The following FSIP2 variants were observed in gnomAD, a reference collection of about 807,000 sequenced individuals.
FSIP2 encodes fibrous sheath interacting protein 2.
FSIP2 carries 367 observed loss-of-function variants against 510.5 expected under a neutral mutation model. The ratio of observed to expected loss-of-function variants is 0.72; its 90% confidence interval spans 0.66 to 0.78. The LOEUF (loss-of-function observed/expected upper bound fraction) is 0.78. FSIP2 is among the 30% of genes least tolerant of loss of function. FSIP2 has a pLI of 0.00. For missense variants in FSIP2, 7,594 were observed against 7,901.7 expected, an observed-to-expected ratio of 0.96 and a Z score of 1.48; for synonymous variants, 2,601 against 2,732.2, an observed-to-expected ratio of 0.95 and a Z score of 1.50.
chr2:185,754,130 T>C (rs1453698848), intron 8 of FSIP2, among the ~76,000 whole-genome samples: 1 of 151,376 alleles, frequency 6.6e-6, no homozygotes, highest in Admixed American at 6.6e-5. Flanking sequence ...CAAACTTGTA[T>C]CTAGGATAAC....
intron 17 of FSIP2, 48 bp from the exon 18 acceptor site, chr2:185,813,497 A>G: frequency 3.2e-6 from 4 of 1,232,912 alleles, no homozygotes; most frequent in Non-Finnish European, 4.4e-6. Context: ...ACTATAGGAA[A>G]GTGATTTAGG....
rs1357860251 is a variant in FSIP2, at chr2:185,763,223, G to A, written c.1281G>A (p.Ala427=). ...NISGQGSIIS[A]QVSPTRNFSR... ...CAGGCCAAGGTTCAATTATTTCAGC[G>A]CAGGTATCACCCACGAGAAATTTTT... is the stretch of plus-strand genomic sequence containing the variant. The change falls in exon 12 of 23, where the codon GCG becomes GCA. Residue 427 remains alanine (A), a synonymous_variant. Transcript: ENST00000424728. 26 of 1,516,900 alleles carry A rather than the reference G, an allele frequency of 1.7e-5. No homozygotes were observed. Among genetic ancestry groups the A allele is most frequent in the Non-Finnish European group, 2.1e-5 (24 of 1,130,348 alleles). 94.0% of individuals were successfully genotyped at this position (1,516,900 alleles called of 1,614,324 possible). A position where few individuals can be genotyped will look rare whatever the true frequency, so the allele number is the denominator to read the frequency against.
At chr2:185,828,233 AT>A in intron 21 of FSIP2, 34 bp downstream of exon 21, 2 of 1,191,114 alleles carry the variant, frequency 1.7e-6, no homozygotes, top group Non-Finnish European at 2.5e-6. Context: ...GTTGATATAT[AT>A]TAGGAGCTAG....
Position 185,805,507 on chromosome 2 carries a change from G to C in FSIP2, c.16201G>C (p.Asp5401His). Residue 5401 changes from aspartate (D) to histidine (H), a missense_variant, in exon 17 of 23, where the codon GAC becomes CAC. Transcript: ENST00000424728. ...CAGGATTCAACCACTTTTTTCAGGA[G>C]ACTGGTCTTCCACCTTCTTTTCATT... ...AFRIQPLFSG[D>H]WSSTFFSFLN... is the part of the protein sequence containing the mutation. The C allele has an allele frequency of 6.2e-7, 1 of 1,611,502 alleles. No individual in the cohort carries two copies. Among genetic ancestry groups the C allele is most frequent in the Non-Finnish European group, 8.5e-7 (1 of 1,178,368 alleles).
rs1458555118 is a variant in FSIP2, at chr2:185,801,847, A to G, written c.12541A>G (p.Ile4181Val). The change falls in exon 17 of 23, where the codon ATA (isoleucine) becomes GTA (valine). Residue 4181 changes from isoleucine to valine, a missense_variant. By Grantham distance (29) the Ile-to-Val change is conservative. Transcript: ENST00000424728. ...TGATTTTAATGAAATGTCCACTTGT[A>G]TAATAAATAAGGTTATGTCAGCCAT... ...SSDFNEMSTC[I>V]INKVMSAISK... 3 of 1,485,004 alleles carry G rather than the reference A, an allele frequency of 2.0e-6. 1 individual carries two copies. The South Asian group carries it at 3.9e-5, about 19-fold the overall frequency. The allele number at this position is 1,485,004 out of a possible 1,614,324, so 92.0% of individuals were successfully genotyped here. A position where few individuals can be genotyped will look rare whatever the true frequency, so the allele number is the denominator to read the frequency against.
Position 185,804,928 on chromosome 2 carries a change from G to A in FSIP2, c.15622G>A (p.Val5208Ile). Residue 5208 changes from valine to isoleucine, a missense_variant, in exon 17 of 23, where the codon GTA becomes ATA. Val to Ile is a conservative substitution (Grantham distance 29). Transcript: ENST00000424728. ...ILKTSEFQAEVQKDADKKGCS... is the reference protein window; with the variant it reads ...ILKTSEFQAEIQKDADKKGCS... The stretch of plus-strand genomic sequence containing the variant: ...GAAAACATCTGAATTCCAAGCTGAA[G>A]TACAAAAAGATGCAGACAAAAAAGG... The A allele has an allele frequency of 6.6e-7, 1 of 1,526,440 alleles. No homozygotes were observed. Among genetic ancestry groups the A allele is most frequent in the Non-Finnish European group, 8.7e-7 (1 of 1,143,420 alleles). The allele number at this position is 1,526,440 out of a possible 1,614,324, so 94.6% of individuals were successfully genotyped here.
At chr2:185,758,442 GTATGT>G (rs1367632941) in intron 9 of FSIP2, among the ~76,000 whole-genome samples, 1 of 151,194 alleles carries the variant, frequency 6.6e-6, no homozygotes, top group Admixed American at 6.6e-5. Flanking sequence ...CACATATTAT[GTATGT>G]TATATGTATT....
chr2:185,746,276 T>C (rs1248024013), intron 5 of FSIP2, among the ~76,000 whole-genome samples: 6 of 130,632 alleles, frequency 4.6e-5, no homozygotes, highest in Non-Finnish European at 6.6e-5. Flanking sequence ...TCTTAGAGAA[T>C]TCAAATGGAC....
chr2:185,800,976 A>G lies in FSIP2; in HGVS notation c.11670A>G (p.Ser3890=), dbSNP rs574275804. Residue 3890 remains serine, a synonymous_variant, in exon 17 of 23, where the codon TCA becomes TCG. Transcript: ENST00000424728. ...IQSSFIKARK[S]ELIELGQSKS... is the part of the protein sequence containing the mutation. The stretch of plus-strand genomic sequence containing the variant: ...CTAGTTTCATAAAAGCAAGAAAGTC[A>G]GAATTAATAGAATTAGGACAGAGTA... 6.5e-7 allele frequency: 1 copy of G among 1,528,622 alleles called. No individual in the cohort carries two copies. The highest frequency in any genetic ancestry group is 1.4e-5 in the African/African-American group (1 of 72,670). The allele number at this position is 1,528,622 out of a possible 1,614,324, so 94.7% of individuals were successfully genotyped here.
chr2:185,794,994 C>A lies in FSIP2; in HGVS notation c.7858C>A (p.Leu2620Ile). ...SQNISVMENTLLPYLPLQVKK... is the reference protein window; with the variant it reads ...SQNISVMENTILPYLPLQVKK... ...AAATATCTCTGTGATGGAAAACACT[C>A]TTTTGCCATATTTACCATTGCAAGT... The change falls in exon 16 of 23, where the codon CTT (leucine) becomes ATT (isoleucine). Residue 2620 changes from leucine (L) to isoleucine (I), a missense_variant. By Grantham distance (5) the Leu-to-Ile change is conservative. Transcript: ENST00000424728. The A allele has an allele frequency of 1.3e-6, 2 of 1,533,828 alleles. No homozygotes were observed. The highest frequency in any genetic ancestry group is 1.7e-6 in the Non-Finnish European group (2 of 1,145,606).
chr2:185,775,409 G>A (rs1364751988), intron 13 of FSIP2, among the ~76,000 whole-genome samples: 39 of 151,242 alleles, frequency 2.6e-4, no homozygotes, highest in African/African-American at 8.0e-4. Context: ...CATATCCTTC[G>A]CCCACTTTTT....
rs1208999116 is a variant in FSIP2, at chr2:185,800,811, A to G, written c.11505A>G (p.Thr3835=). 1.3e-5 allele frequency: 20 copies of G among 1,534,426 alleles called. No individual in the cohort carries two copies. In the East Asian group the frequency reaches 4.2e-4, roughly 32 times the overall value. Residue 3835 remains threonine, a synonymous_variant, in exon 17 of 23, where the codon ACA becomes ACG. Transcript: ENST00000424728. ...CAGAAATTGATCAAGACTTATTGACATCAGACTCTATGCTTACTATTATTT... is the reference window on the plus strand; with the variant it reads ...CAGAAATTGATCAAGACTTATTGACGTCAGACTCTATGCTTACTATTATTT... The part of the protein sequence containing the change: ...NVAEIDQDLL[T]SDSMLTIISH...
rs73980269 is a variant in FSIP2 at position 185,759,787 on chromosome 2, C to T, written c.1079-1201C>T. Among the ~76,000 whole-genome samples the T allele has an allele frequency of 1.3e-3, 200 of 150,146 alleles. 1 individual carries two copies. The highest frequency in any genetic ancestry group is 4.6e-3 in the African/African-American group (188 of 41,244). On this transcript the variant is annotated intron_variant, in intron 9 of 22. Coordinates refer to ENST00000424728, the MANE Select transcript of FSIP2 (RefSeq NM_173651.4). ...TTTTGTATAAAAGTGATTCTGATGTCAGTGTATGAGATAGAAAATGTTCAC... is the reference window on the plus strand; with the variant it reads ...TTTTGTATAAAAGTGATTCTGATGTTAGTGTATGAGATAGAAAATGTTCAC...
Position 185,802,526 on chromosome 2 carries a change from A to G in FSIP2, c.13220A>G (p.Asn4407Ser). 2.0e-6 allele frequency: 3 copies of G among 1,531,682 alleles called. No individual in the cohort carries two copies. Among genetic ancestry groups the G allele is most frequent in the Non-Finnish European group, 2.6e-6 (3 of 1,144,656 alleles). 94.9% of individuals were successfully genotyped at this position (1,531,682 alleles called of 1,614,324 possible). Residue 4407 changes from asparagine to serine, a missense_variant, in exon 17 of 23, where the codon AAT becomes AGT. Coordinates refer to ENST00000424728, the MANE Select transcript of FSIP2 (RefSeq NM_173651.4). ...DSGIFVENIT[N>S]LIVAAISDYL... ...GGCATTTTTGTGGAAAATATTACCA[A>G]TTTAATTGTAGCAGCTATTTCAGAT...
At chr2:185,763,388 C>A in intron 12 of FSIP2, 99 bp downstream of exon 12, 1 of 663,072 alleles carries the variant, frequency 1.5e-6, no homozygotes, top group Non-Finnish European at 2.7e-6. Flanking sequence ...TGTAACCATA[C>A]AAAACAACTT....
rs1319587819 is a variant in FSIP2 at position 185,761,964 on chromosome 2, C to T, written c.1195-8C>T. On this transcript the variant is annotated splice_polypyrimidine_tract_variant and splice_region_variant and intron_variant, in intron 10 of 22. Transcript: ENST00000424728. ...GTAATTTTTTCTCTTCAATGTGGTA[C>T]CATGTAGAGAGATGGGATGGTATCT... 1.2e-5 allele frequency: 17 copies of T among 1,451,538 alleles called. No individual in the cohort carries two copies. Among genetic ancestry groups the T allele is most frequent in the Non-Finnish European group, 1.5e-5 (16 of 1,077,206 alleles). The allele number at this position is 1,451,538 out of a possible 1,614,324, so 89.9% of individuals were successfully genotyped here.
At position 185,833,086 on chromosome 2, in the gene FSIP2, A is replaced by G. The variant is rs748006471; in HGVS notation, c.20588-4A>G. Reference sequence around the variant, plus strand: ...ATCATTCTTCTTGTTTACTTTGTCCACAGAAACTCCCAAGCCCGATGTCTC... The same window carrying G: ...ATCATTCTTCTTGTTTACTTTGTCCGCAGAAACTCCCAAGCCCGATGTCTC... On this transcript the variant is annotated splice_region_variant and splice_polypyrimidine_tract_variant and intron_variant, in intron 22 of 22. Transcript: ENST00000424728. 2 of 1,609,788 alleles carry G rather than the reference A, an allele frequency of 1.2e-6. No homozygotes were observed. The highest frequency in any genetic ancestry group is 1.7e-6 in the Non-Finnish European group (2 of 1,177,566).
chr2:185,744,323 T>C lies in FSIP2; in HGVS notation c.389T>C (p.Val130Ala). ...KGGYITSNNK[V>A]VCTLRELNKY... ...ATCTGTTTTCATTTTTGTTTGTAGG[T>C]TGTATGTACCTTGAGAGAATTGAAT... The change falls in exon 4 of 23, where the codon GTT becomes GCT. Residue 130 changes from valine to alanine, a missense_variant and splice_region_variant. By Grantham distance (64) the Val-to-Ala change is moderately conservative (BLOSUM62 0). Coordinates refer to ENST00000424728, the MANE Select transcript of FSIP2 (RefSeq NM_173651.4). 2 of 1,069,466 alleles carry C rather than the reference T, an allele frequency of 1.9e-6. No homozygotes were observed. The highest frequency in any genetic ancestry group is 2.4e-6 in the Non-Finnish European group (2 of 822,264). The allele number at this position is 1,069,466 out of a possible 1,614,324, so 66.2% of individuals were successfully genotyped here. A position where few individuals can be genotyped will look rare whatever the true frequency, so the allele number is the denominator to read the frequency against.
rs115756485 is a variant in FSIP2, at chr2:185,763,222, C to T, written c.1280C>T (p.Ala427Val). ...NISGQGSIIS[A>V]QVSPTRNFSR... ...TCAGGCCAAGGTTCAATTATTTCAG[C>T]GCAGGTATCACCCACGAGAAATTTT... Residue 427 changes from alanine to valine, a missense_variant, in exon 12 of 23, where the codon GCG becomes GTG. Ala to Val is a moderately conservative substitution (Grantham distance 64, BLOSUM62 0). Transcript: ENST00000424728. The T allele has an allele frequency of 1.7e-3, 2,598 of 1,515,336 alleles. 4 individuals carry two copies. Among genetic ancestry groups the T allele is most frequent in the Non-Finnish European group, 2.1e-3 (2,373 of 1,128,748 alleles). 93.9% of individuals were successfully genotyped at this position (1,515,336 alleles called of 1,614,324 possible).
Sources: gnomAD v4.1 joint callset for allele counts (sites outside exome capture counted in the v4.1 genomes callset) on GRCh38, gnomAD v4.1.1 for gene constraint, MANE v1.5 for transcripts, NCBI Gene and HGNC (gene_info 2026-07-23, HGNC 2026-07-21) for gene names.